VWDE: variants seen among roughly 807,000 people sequenced by gnomAD.
The protein encoded by VWDE is von Willebrand factor D and EGF domains, also known as von Willebrand factor D and EGF domain-containing protein.
Under a neutral mutation model 178.4 loss-of-function variants are expected in VWDE, and 207 were observed. That is an observed-to-expected ratio of 1.16 (90% CI 1.04 to 1.30). The LOEUF is 1.30. Ranked by LOEUF, VWDE falls within the 50% of genes most tolerant of loss-of-function variation. The pLI is 0.00. For missense variants in VWDE, 2,287 were observed against 1,901.3 expected (o/e 1.20, Z -3.77); for synonymous variants, 738 against 651.4 (o/e 1.13, Z -2.02).
At position 12,359,834 on chromosome 7, in the gene VWDE, A is replaced by G. The variant is rs6947560; in HGVS notation, c.3160-142T>C. 3,161 of 526,764 alleles carry G rather than the reference A, an allele frequency of 6.0e-3. 75 individuals are homozygous for G. The highest frequency in any genetic ancestry group is 0.054 in the African/African-American group (2,843 of 52,790). 32.6% of individuals were successfully genotyped at this position (526,764 alleles called of 1,614,324 possible). On this transcript the variant is annotated intron_variant, in intron 15 of 28. Transcript: ENST00000275358. ...TTTGATACTTCATAATCGTAAGTGC[A>G]TATGAGGAAACAAATTACCTGAATA...
At position 12,369,809 on chromosome 7, in the gene VWDE, T is replaced by G; in HGVS notation, c.2497A>C (p.Ser833Arg). The change falls in exon 12 of 29, where the codon AGT becomes CGT. Residue 833 changes from serine to arginine, a missense_variant. By Grantham distance (110) the Ser-to-Arg change is moderately radical. Transcript: ENST00000275358. ...CLAFLGKRLDSVIEMCVKDVL... is the reference protein window; with the variant it reads ...CLAFLGKRLDRVIEMCVKDVL... ...TCCTTCACACACATCTCTATAACAC[T>G]GTCTAATCTCTTGCCAAGAAAAGCA... is the stretch of plus-strand genomic sequence containing the variant. The G allele has an allele frequency of 6.4e-7, 1 of 1,551,544 alleles. No homozygotes were observed. Among genetic ancestry groups the G allele is most frequent in the Non-Finnish European group, 8.7e-7 (1 of 1,146,882 alleles).
In VWDE at chr7:12,389,508, G is replaced by A. The variant is rs899024686; in HGVS notation, c.244-150C>T. ...TTGTACCTGTTCTATACAAGGAAAAGTAGTTTTAAGGAATACTAAATTTAA... is the reference window on the plus strand; with the variant it reads ...TTGTACCTGTTCTATACAAGGAAAAATAGTTTTAAGGAATACTAAATTTAA... On this transcript the variant is annotated intron_variant, in intron 2 of 28. Coordinates refer to ENST00000275358, the MANE Select transcript of VWDE (RefSeq NM_001135924.3). 12 of 591,290 alleles carry A rather than the reference G, an allele frequency of 2.0e-5. No homozygotes were observed. The Admixed American group carries it at 3.0e-4, about 15-fold the overall frequency. 36.6% of individuals were successfully genotyped at this position (591,290 alleles called of 1,614,324 possible).
chr7:12,332,985 G>C (rs1327227012), intron 28 of VWDE, among the ~76,000 whole-genome samples: 1 of 151,858 alleles, frequency 6.6e-6, no homozygotes, highest in Non-Finnish European at 1.5e-5. Context: ...GTTTGTATGA[G>C]AGAGAGAGAG....
intron 12 of VWDE, among the ~76,000 whole-genome samples, 173 bp from the exon 13 acceptor site, chr7:12,367,666 T>C (rs1782936854): frequency 6.6e-6 from 1 of 152,080 alleles, no homozygotes; most frequent in Admixed American, 6.6e-5. Flanking sequence ...AATCTGGTAT[T>C]AGAAGAGGTA....
Position 12,374,687 on chromosome 7 carries a change from A to G in VWDE, c.1316+2T>C. The G allele has an allele frequency of 6.5e-7, 1 of 1,526,734 alleles. No homozygotes were observed. The highest frequency in any genetic ancestry group is 8.8e-7 in the Non-Finnish European group (1 of 1,134,302). The allele number at this position is 1,526,734 out of a possible 1,614,324, so 94.6% of individuals were successfully genotyped here. A position where few individuals can be genotyped will look rare whatever the true frequency, so the allele number is the denominator to read the frequency against. ...TAAAAGAAGAAACTTTCAGAAAATT[A>G]CCTGCCATCAAATGTAATTATATGT... On this transcript the variant is annotated splice_donor_variant, in intron 9 of 28. Coordinates refer to ENST00000275358, the MANE Select transcript of VWDE (RefSeq NM_001135924.3). LOFTEE classifies it high-confidence loss of function.
intron 19 of VWDE, among the ~76,000 whole-genome samples, chr7:12,348,353 T>G (rs1205086525): frequency 6.8e-6 from 1 of 148,032 alleles, no homozygotes; most frequent in Non-Finnish European, 1.5e-5. Context: ...ATCCAGAATC[T>G]ACAATGAACT....
chr7:12,336,428 A>C (rs1026107386), intron 26 of VWDE, among the ~76,000 whole-genome samples, 192 bp from the exon 27 acceptor site: 2 of 152,210 alleles, frequency 1.3e-5, no homozygotes, highest in Non-Finnish European at 2.9e-5. Context: ...TGACCTTAAC[A>C]GTTGCAAAAT....
chr7:12,361,111 G>T, intron 15 of VWDE, 36 bp downstream of exon 15: 3 of 1,275,712 alleles, frequency 2.4e-6, no homozygotes, highest in Non-Finnish European at 2.2e-6. Flanking sequence ...AAATACCTAT[G>T]ATGTAAATGT....
intron 16 of VWDE, 97 bp from the exon 17 acceptor site, chr7:12,357,612 C>T: frequency 3.7e-6 from 5 of 1,340,482 alleles, no homozygotes; most frequent in Non-Finnish European, 5.0e-6. Context: ...TTGATAAAGA[C>T]TGAACTCTGC....
chr7:12,353,442 C>T (rs10233818), intron 18 of VWDE, among the ~76,000 whole-genome samples: 134,522 of 152,138 alleles, frequency 0.88, 59,557 homozygotes, highest in Admixed American at 0.92. Context: ...GTTCTATCCA[C>T]AGCAATGCAA....
chr7:12,336,202 T>A lies in VWDE; in HGVS notation c.4593A>T (p.Glu1531Asp). 6.4e-7 allele frequency: 1 copy of A among 1,551,434 alleles called. No homozygotes were observed. Among genetic ancestry groups the A allele is most frequent in the Non-Finnish European group, 8.7e-7 (1 of 1,146,904 alleles). Residue 1531 changes from glutamate (E) to aspartate (D), a missense_variant, in exon 27 of 29, where the codon GAA (glutamate) becomes GAT (aspartate). Physicochemically the swap from Glu to Asp is conservative, Grantham distance 45 (BLOSUM62 2). Coordinates refer to ENST00000275358, the MANE Select transcript of VWDE (RefSeq NM_001135924.3). ...ICLQKCKNGG[E>D]CIAPSICHCP... ...AATGGCATATGCTGGGCGCAATGCA[T>A]TCACCACCGTTTTTACATTTCTGCA...
intron 5 of VWDE, 137 bp from the exon 6 acceptor site, chr7:12,379,703 G>A (rs1583331636): frequency 5.3e-6 from 3 of 567,532 alleles, no homozygotes; most frequent in African/African-American, 1.9e-5. Flanking sequence ...TAATTTAAAA[G>A]CTTACTTGAT....
At chr7:12,364,251 G>T (rs1218208710) in intron 13 of VWDE, among the ~76,000 whole-genome samples, 3 of 152,032 alleles carry the variant, frequency 2.0e-5, no homozygotes, top group African/African-American at 7.2e-5. Flanking sequence ...TTTTCTAACT[G>T]TATCCATTAA....
chr7:12,382,075 T>C (rs564227375), intron 4 of VWDE, among the ~76,000 whole-genome samples: 10 of 152,008 alleles, frequency 6.6e-5, no homozygotes, highest in African/African-American at 2.4e-4. Flanking sequence ...TAGTATGTAT[T>C]AAATATATTA....
chr7:12,384,891 G>T (rs1026251815), intron 3 of VWDE, among the ~76,000 whole-genome samples: 3 of 151,914 alleles, frequency 2.0e-5, no homozygotes, highest in Non-Finnish European at 4.4e-5. Flanking sequence ...GAAGCTTTAG[G>T]GGATATAGTA....
chr7:12,350,548 A>G (rs138044597), intron 19 of VWDE, among the ~76,000 whole-genome samples: 1 of 152,248 alleles, frequency 6.6e-6, no homozygotes, highest in Non-Finnish European at 1.5e-5. Flanking sequence ...ATAGTGAAAC[A>G]TGAGAAGAAT....
intron 26 of VWDE, 24 bp downstream of exon 26, chr7:12,336,964 G>T: frequency 6.6e-7 from 1 of 1,525,488 alleles, no homozygotes; most frequent in African/African-American, 1.4e-5. Context: ...GAAAGCTTCA[G>T]TGTTTTAAGA....
intron 1 of VWDE, among the ~76,000 whole-genome samples, chr7:12,399,189 G>A (rs1784763428): frequency 6.6e-6 from 1 of 152,042 alleles, no homozygotes; most frequent in South Asian, 2.1e-4. Context: ...GACAAACTGA[G>A]GTCCTCTTCT....
intron 19 of VWDE, 133 bp downstream of exon 19, chr7:12,351,440 T>G: frequency 1.0e-6 from 1 of 964,806 alleles, no homozygotes; most frequent in Non-Finnish European, 1.4e-6. Context: ...AGGATAAATT[T>G]TAAACCGCAT....
Sources: allele counts gnomAD v4.1 joint callset (sites outside exome capture counted in the v4.1 genomes callset), GRCh38; gene constraint gnomAD v4.1.1; transcripts MANE v1.5; gene names NCBI Gene and HGNC (gene_info 2026-07-23, HGNC 2026-07-21).